PPARGC1A: variants seen among roughly 807,000 people sequenced by gnomAD.
PPARGC1A encodes PPARG coactivator 1 alpha.
Under a neutral mutation model 88.7 loss-of-function variants are expected in PPARGC1A, and 25 were observed. The ratio of observed to expected loss-of-function variants is 0.28; its 90% CI spans 0.21 to 0.39. The LOEUF is 0.39. PPARGC1A is among the 10% of genes least tolerant of loss of function. PPARGC1A has a pLI of 1.00. For missense variants in PPARGC1A, 880 were observed against 968.7 expected, an observed-to-expected ratio of 0.91 and a Z score of 1.22; for synonymous variants, 363 against 355.6, an observed-to-expected ratio of 1.02 and a Z score of -0.24.
the PPARGC1A span, among the ~76,000 whole-genome samples, chr4:24,298,526 C>T: frequency 6.6e-6 from 1 of 152,148 alleles, no homozygotes; most frequent in Non-Finnish European, 1.5e-5. Context: ...TATATGCATT[C>T]TCCATTGCCC....
chr4:24,067,824 T>C, the PPARGC1A span, among the ~76,000 whole-genome samples: 1 of 152,166 alleles, frequency 6.6e-6, no homozygotes, highest in Non-Finnish European at 1.5e-5. Context: ...CTGATTTCTC[T>C]GAATTCCAAC....
chr4:24,379,255 A>G, the PPARGC1A span, among the ~76,000 whole-genome samples: 3 of 152,210 alleles, frequency 2.0e-5, no homozygotes, highest in African/African-American at 7.2e-5. Flanking sequence ...AGAGTAGAAT[A>G]ACAAATACCA....
chr4:24,237,444 C>G, the PPARGC1A span, among the ~76,000 whole-genome samples: 1,051 of 152,250 alleles, frequency 6.9e-3, 22 homozygotes, highest in African/African-American at 0.024. Context: ...CCAACCAAAT[C>G]TCCATTCCTC....
the PPARGC1A span, among the ~76,000 whole-genome samples, chr4:24,082,404 T>A: frequency 2.0e-3 from 302 of 152,288 alleles, 2 homozygotes; most frequent in African/African-American, 6.9e-3. Flanking sequence ...GGTCACCACA[T>A]GGCTTTTTCC....
chr4:24,281,134 T>C, the PPARGC1A span, among the ~76,000 whole-genome samples: 1 of 152,222 alleles, frequency 6.6e-6, no homozygotes, highest in Non-Finnish European at 1.5e-5. Context: ...GACTTACAGC[T>C]CACCTCTGCC....
At chr4:24,440,007 AT>A in the PPARGC1A span, among the ~76,000 whole-genome samples, 6 of 152,230 alleles carry the variant, frequency 3.9e-5, no homozygotes, top group African/African-American at 1.4e-4. Context: ...AATCTTCCTA[AT>A]CTTTTAATCC....
the PPARGC1A span, among the ~76,000 whole-genome samples, chr4:24,271,237 G>A: frequency 8.5e-5 from 13 of 152,130 alleles, no homozygotes; most frequent in Non-Finnish European, 1.6e-4. Context: ...GCCCTTCCAT[G>A]CAGCCCTCAC....
intron 2 of PPARGC1A, among the ~76,000 whole-genome samples, chr4:23,852,272 A>G (rs1729434645): frequency 1.3e-5 from 2 of 152,210 alleles, no homozygotes; most frequent in Non-Finnish European, 2.9e-5. Context: ...GTTTTTAAAC[A>G]TTATTAGATT....
the PPARGC1A span, among the ~76,000 whole-genome samples, chr4:24,346,254 G>A: frequency 1.3e-5 from 2 of 152,092 alleles, no homozygotes; most frequent in African/African-American, 4.8e-5. Flanking sequence ...TTTTGGTTGT[G>A]TCCTTTCCTG....
chr4:24,359,558 T>G, the PPARGC1A span, among the ~76,000 whole-genome samples: 1 of 152,174 alleles, frequency 6.6e-6, no homozygotes, highest in Non-Finnish European at 1.5e-5. Context: ...TCAAGTCCTA[T>G]TCCCTGATAC....
intron 2 of PPARGC1A, among the ~76,000 whole-genome samples, chr4:23,871,291 C>T (rs1277584306): frequency 1.3e-5 from 2 of 152,210 alleles, no homozygotes; most frequent in East Asian, 3.8e-4. Context: ...GCAGCCACCT[C>T]AGCTACATTG....
the PPARGC1A span, among the ~76,000 whole-genome samples, chr4:24,443,921 T>C: frequency 6.6e-6 from 1 of 152,236 alleles, no homozygotes; most frequent in Admixed American, 6.5e-5. Flanking sequence ...TGTTTTCAGG[T>C]GGTTCAATTA....
the PPARGC1A span, among the ~76,000 whole-genome samples, chr4:24,189,678 G>A: frequency 6.6e-6 from 1 of 152,108 alleles, no homozygotes; most frequent in Non-Finnish European, 1.5e-5. Context: ...ATTTGTTCAT[G>A]TGGTGGGAAG....
chr4:23,840,695 T>C (rs1258124988), intron 2 of PPARGC1A, among the ~76,000 whole-genome samples: 1 of 152,158 alleles, frequency 6.6e-6, no homozygotes, highest in Non-Finnish European at 1.5e-5. Flanking sequence ...AGATACTTAG[T>C]ATATAGGAGA....
the PPARGC1A span, among the ~76,000 whole-genome samples, chr4:24,324,017 C>A: frequency 6.6e-6 from 1 of 152,148 alleles, no homozygotes; most frequent in African/African-American, 2.4e-5. Context: ...ACGTTTTGTC[C>A]GTGGACCCAA....
the PPARGC1A span, chr4:24,091,458 C>T: frequency 3.0e-6 from 3 of 985,388 alleles, no homozygotes; most frequent in Non-Finnish European, 3.6e-6. Flanking sequence ...GAGCTGAGGA[C>T]ATCACTTACC....
the PPARGC1A span, among the ~76,000 whole-genome samples, chr4:23,932,376 G>A: frequency 6.6e-6 from 1 of 152,112 alleles, no homozygotes; most frequent in Non-Finnish European, 1.5e-5. Context: ...CCATTCTATA[G>A]ATCGAAGTGC....
chr4:24,459,184 C>T, the PPARGC1A span, among the ~76,000 whole-genome samples: 4 of 151,964 alleles, frequency 2.6e-5, no homozygotes, highest in African/African-American at 9.7e-5. Flanking sequence ...AGACAATATT[C>T]CCTATATGTG....
chr4:23,911,016 T>C, the PPARGC1A span, among the ~76,000 whole-genome samples: 1 of 151,604 alleles, frequency 6.6e-6, no homozygotes, highest in Admixed American at 6.6e-5. Context: ...TAAAACTGAG[T>C]GAAGCACTAA....
Sources: allele counts gnomAD v4.1 joint callset (sites outside exome capture counted in the v4.1 genomes callset), GRCh38; gene constraint gnomAD v4.1.1; transcripts MANE v1.5; gene names NCBI Gene and HGNC (gene_info 2026-07-23, HGNC 2026-07-21).